Variants in OR52K1 observed in about 807,000 individuals in gnomAD.
The protein encoded by OR52K1 is olfactory receptor 52K1.
A neutral mutation model predicts 8.7 loss-of-function variants in OR52K1; 10 were observed. The observed-to-expected ratio is 1.15, with a 90% CI of 0.71 to 1.95. The LOEUF is 1.95. OR52K1 is among the 30% of genes most tolerant of loss of function. The pLI is 0.00. For synonymous variants in OR52K1, 203 were observed against 148.5 expected (o/e 1.37, Z -2.67); for missense variants, 431 against 397.2 (o/e 1.08, Z -0.72).
intron 1 of OR52K1, 110 bp from the exon 2 acceptor site, chr11:4,488,463 A>G (rs1260473583): frequency 6.1e-6 from 1 of 165,030 alleles, no homozygotes; most frequent in Non-Finnish European, 1.3e-5. Context: ...ATTTCAGGAG[A>G]GAAAATTGGC....
chr11:4,490,856 C>G lies in OR52K1; in HGVS notation c.*1011C>G, dbSNP rs1346813694. On this transcript the variant is annotated 3_prime_UTR_variant, in exon 2 of 2. Transcript: ENST00000641528. The stretch of plus-strand genomic sequence containing the variant: ...ATTATTTCATCACCCAAGTATTAAG[C>G]CTAGTATTCATTAGCTATTTTTCTG... The G allele has an allele frequency of 6.6e-6, 1 of 152,126 alleles. No homozygotes were observed. Among genetic ancestry groups the G allele is most frequent in the East Asian group, 1.9e-4 (1 of 5,196 alleles). The allele number at this position is 152,126 out of a possible 1,614,324, so 9.4% of individuals were successfully genotyped here.
rs1226581323 is a variant in OR52K1 at position 4,482,904 on chromosome 11, G to T, written c.-601G>T. On this transcript the variant is annotated 5_prime_UTR_variant, in exon 1 of 2. Coordinates refer to ENST00000641528, the MANE Select transcript of OR52K1 (RefSeq NM_001005171.3). ...CTTCTACTCTGGTCCTTCAATAGAG[G>T]GAACAGAAGTCTCGATAGTCCCACC... 15 of 376,260 alleles carry T rather than the reference G, an allele frequency of 4.0e-5. No individual in the cohort carries two copies. Among genetic ancestry groups the T allele is most frequent in the Non-Finnish European group, 7.1e-5 (15 of 212,530 alleles). 23.3% of individuals were successfully genotyped at this position (376,260 alleles called of 1,614,324 possible). A position where few individuals can be genotyped will look rare whatever the true frequency, so the allele number is the denominator to read the frequency against.
chr11:4,486,714 C>T (rs1349192010), intron 1 of OR52K1, among the ~76,000 whole-genome samples: 5 of 152,166 alleles, frequency 3.3e-5, no homozygotes, highest in Admixed American at 6.5e-5. Context: ...CTTTAGCAAA[C>T]TTATTCTACT....
intron 1 of OR52K1, among the ~76,000 whole-genome samples, chr11:4,483,536 T>C (rs1036018754): frequency 6.6e-5 from 10 of 152,050 alleles, no homozygotes; most frequent in East Asian, 3.9e-4. Context: ...TTCTGAGGAG[T>C]TGATTTTAGA....
rs376395151 is a variant in OR52K1 at position 4,489,127 on chromosome 11, C to A, written c.227C>A (p.Ser76Tyr). The change falls in exon 2 of 2, where the codon TCT (serine) becomes TAT (tyrosine). Residue 76 changes from serine (S) to tyrosine (Y), a missense_variant. Coordinates refer to ENST00000641528, the MANE Select transcript of OR52K1 (RefSeq NM_001005171.3). Reference protein sequence around the residue: ...AMLATIDLVLSSTTLPKMLAI... With the variant: ...AMLATIDLVLYSTTLPKMLAI... The stretch of plus-strand genomic sequence containing the variant: ...TTGGCAACCATTGACTTGGTTCTTT[C>A]TTCTACAACGCTGCCCAAAATGCTT... The A allele has an allele frequency of 1.2e-5, 20 of 1,614,094 alleles. No homozygotes were observed. The highest frequency in any genetic ancestry group is 8.3e-5 in the Admixed American group (5 of 60,008).
At position 4,492,576 on chromosome 11, in the gene OR52K1, A is replaced by C. The variant is rs1278073679; in HGVS notation, c.*2731A>C. ...TCTATCTTGCATTTCAACTCATGAC[A>C]GCTCAAGACTGAATATTTAAAGGAA... On this transcript the variant is annotated 3_prime_UTR_variant, in exon 2 of 2. Transcript: ENST00000641528. 6.6e-6 allele frequency: 1 copy of C among 152,254 alleles called. No homozygotes were observed. Among genetic ancestry groups the C allele is most frequent in the Non-Finnish European group, 1.5e-5 (1 of 68,052 alleles). The allele number at this position is 152,254 out of a possible 1,614,324, so 9.4% of individuals were successfully genotyped here.
intron 1 of OR52K1, among the ~76,000 whole-genome samples, chr11:4,484,863 C>A (rs1846308822): frequency 6.8e-6 from 1 of 147,268 alleles, no homozygotes; most frequent in South Asian, 2.2e-4. Flanking sequence ...CACACACACA[C>A]ACACACAGTT....
At chr11:4,484,075 T>G (rs1349658897) in intron 1 of OR52K1, among the ~76,000 whole-genome samples, 1 of 152,190 alleles carries the variant, frequency 6.6e-6, no homozygotes. Flanking sequence ...AGTAGTATTC[T>G]GAGAAATATG....
intron 1 of OR52K1, among the ~76,000 whole-genome samples, chr11:4,485,931 AT>A (rs1050133617): frequency 1.7e-4 from 26 of 152,170 alleles, no homozygotes; most frequent in Admixed American, 1.2e-3. Context: ...GCCTGCTGAT[AT>A]TTGAATAACA....
Position 4,489,614 on chromosome 11 carries a change from G to A in OR52K1, c.714G>A (p.Lys238=), listed in dbSNP as rs756395300. 2.5e-6 allele frequency: 4 copies of A among 1,614,024 alleles called. No homozygotes were observed. Among genetic ancestry groups the A allele is most frequent in the East Asian group, 2.2e-5 (1 of 44,896 alleles). The change falls in exon 2 of 2, where the codon AAG becomes AAA. Residue 238 remains lysine, a synonymous_variant. Coordinates refer to ENST00000641528, the MANE Select transcript of OR52K1 (RefSeq NM_001005171.3). ...TTGCCTCTCAGGAGGCCCGCTACAA[G>A]GCATTTGGGACATGTGTGTCTCACA... ...LQLASQEARY[K]AFGTCVSHIG... is the part of the protein sequence containing the mutation.
chr11:4,488,118 C>G (rs936018945), intron 1 of OR52K1, among the ~76,000 whole-genome samples: 4 of 152,146 alleles, frequency 2.6e-5, no homozygotes, highest in Non-Finnish European at 5.9e-5. Flanking sequence ...AAGGACGTTT[C>G]ATTTTCTCCG....
intron 1 of OR52K1, among the ~76,000 whole-genome samples, chr11:4,487,161 T>C (rs1031032011): frequency 4.6e-5 from 7 of 152,222 alleles, no homozygotes; most frequent in Admixed American, 1.3e-4. Context: ...ATTGTAGACC[T>C]TTCTACATGT....
Position 4,488,808 on chromosome 11 carries a change from G to C in OR52K1, c.-93G>C, listed in dbSNP as rs767457674. On this transcript the variant is annotated 5_prime_UTR_variant, in exon 2 of 2. Coordinates refer to ENST00000641528, the MANE Select transcript of OR52K1 (RefSeq NM_001005171.3). Reference sequence around the variant, plus strand: ...AGAGGTAATCTTTGCAGGTGGGATAGCACAGGTTGAACTCTAATCATATAT... The same window carrying C: ...AGAGGTAATCTTTGCAGGTGGGATACCACAGGTTGAACTCTAATCATATAT... 2.3e-6 allele frequency: 2 copies of C among 866,436 alleles called. No individual in the cohort carries two copies. The highest frequency in any genetic ancestry group is 3.7e-6 in the Non-Finnish European group (2 of 540,578). 53.7% of individuals were successfully genotyped at this position (866,436 alleles called of 1,614,324 possible).
At position 4,491,492 on chromosome 11, in the gene OR52K1, C is replaced by G. The variant is rs1045337298; in HGVS notation, c.*1647C>G. 1.3e-5 allele frequency: 2 copies of G among 152,148 alleles called. No individual in the cohort carries two copies. The highest frequency in any genetic ancestry group is 4.8e-5 in the African/African-American group (2 of 41,424). 9.4% of individuals were successfully genotyped at this position (152,148 alleles called of 1,614,324 possible). A position where few individuals can be genotyped will look rare whatever the true frequency, so the allele number is the denominator to read the frequency against. ...AAGATAACATGTATGTGTACATTCACTGCAGCACTATTCACAATAGCAAAG... is the reference window on the plus strand; with the variant it reads ...AAGATAACATGTATGTGTACATTCAGTGCAGCACTATTCACAATAGCAAAG... On this transcript the variant is annotated 3_prime_UTR_variant, in exon 2 of 2. Coordinates refer to ENST00000641528, the MANE Select transcript of OR52K1 (RefSeq NM_001005171.3).
At chr11:4,483,596 T>C (rs1846297489) in intron 1 of OR52K1, among the ~76,000 whole-genome samples, 1 of 150,556 alleles carries the variant, frequency 6.6e-6, no homozygotes, top group African/African-American at 2.5e-5. Context: ...CCCTGTCTTT[T>C]CAGGAAGAAA....
intron 1 of OR52K1, among the ~76,000 whole-genome samples, chr11:4,486,788 G>A (rs982369024): frequency 6.6e-6 from 1 of 152,078 alleles, no homozygotes; most frequent in African/African-American, 2.4e-5. Context: ...TGTTTAAATA[G>A]TTGTCATTAA....
At position 4,489,910 on chromosome 11, in the gene OR52K1, G is replaced by GA. The variant is rs1321962407; in HGVS notation, c.*70dup. 2 of 1,182,120 alleles carry GA rather than the reference G, an allele frequency of 1.7e-6. No individual in the cohort carries two copies. The highest frequency in any genetic ancestry group is 2.4e-6 in the Non-Finnish European group (2 of 836,522). 73.2% of individuals were successfully genotyped at this position (1,182,120 alleles called of 1,614,324 possible). On this transcript the variant is annotated 3_prime_UTR_variant, in exon 2 of 2. Transcript: ENST00000641528. ...GAGAATGCTGGATTGGGGTTGAGGG[G>GA]AAAAATCTAAATAGGAAAATTGCAG... is the stretch of plus-strand genomic sequence containing the variant.
At chr11:4,483,402 G>A (rs1846295961) in intron 1 of OR52K1, among the ~76,000 whole-genome samples, 1 of 152,150 alleles carries the variant, frequency 6.6e-6, no homozygotes, top group African/African-American at 2.4e-5. Flanking sequence ...CTTTGAGCAT[G>A]GACATCTTAG....
chr11:4,484,696 G>A (rs1846306069), intron 1 of OR52K1, among the ~76,000 whole-genome samples: 1 of 152,000 alleles, frequency 6.6e-6, no homozygotes, highest in Admixed American at 6.6e-5. Flanking sequence ...TCAACCAGCA[G>A]ACCACCTAGA....
Sources: gnomAD v4.1 joint callset for allele counts (sites outside exome capture counted in the v4.1 genomes callset) on GRCh38, gnomAD v4.1.1 for gene constraint, MANE v1.5 for transcripts, NCBI Gene and HGNC (gene_info 2026-07-23, HGNC 2026-07-21) for gene names.